NSMCE2: variants seen among roughly 807,000 people sequenced by gnomAD.
NSMCE2 encodes the protein E3 SUMO-protein ligase NSE2.
A neutral mutation model predicts 23.8 loss-of-function variants in NSMCE2; 24 were observed. The observed-to-expected ratio is 1.01, with a 90% CI of 0.73 to 1.42. The LOEUF is 1.42. Among genes scored for constraint, NSMCE2 ranks in the 40% most tolerant of loss-of-function variants. The pLI is 0.00. For missense variants in NSMCE2, 284 were observed against 296.5 expected, an observed-to-expected ratio of 0.96 and a Z score of 0.31; for synonymous variants, 92 against 94.1, an observed-to-expected ratio of 0.98 and a Z score of 0.13.
intron 5 of NSMCE2, among the ~76,000 whole-genome samples, chr8:125,314,636 G>A (rs1829104408): frequency 6.6e-6 from 1 of 152,230 alleles, no homozygotes; most frequent in African/African-American, 2.4e-5. Flanking sequence ...AAACAACCAA[G>A]CCAGGTGATG....
intron 3 of NSMCE2, chr8:125,127,191 T>C (rs1044657047): frequency 1.3e-4 from 20 of 152,224 alleles, no homozygotes; most frequent in African/African-American, 3.9e-4. Flanking sequence ...TGTCCAAGAT[T>C]TACTTCTCAA....
intron 4 of NSMCE2, among the ~76,000 whole-genome samples, chr8:125,176,531 A>G (rs1200866631): frequency 1.3e-5 from 2 of 152,068 alleles, no homozygotes; most frequent in African/African-American, 2.4e-5. Flanking sequence ...TAAAATCCAT[A>G]CACTGGTTGC....
chr8:125,232,603 T>G (rs554122698), intron 5 of NSMCE2, among the ~76,000 whole-genome samples: 21 of 152,144 alleles, frequency 1.4e-4, no homozygotes, highest in Non-Finnish European at 2.8e-4. Flanking sequence ...GAAATTATGA[T>G]GGAAAATTTC....
intron 5 of NSMCE2, among the ~76,000 whole-genome samples, chr8:125,331,463 G>A (rs543875696): frequency 2.6e-5 from 4 of 152,278 alleles, no homozygotes; most frequent in African/African-American, 9.6e-5. Context: ...TAAAAAGATT[G>A]TAAAGCACTG....
intron 5 of NSMCE2, among the ~76,000 whole-genome samples, chr8:125,340,021 T>TG (rs1440766068): frequency 1.9e-4 from 27 of 143,832 alleles, no homozygotes; most frequent in Middle Eastern, 3.5e-3. Context: ...TGTTTTTTTT[T>TG]TTTTTTTTTT....
intron 4 of NSMCE2, among the ~76,000 whole-genome samples, chr8:125,163,582 C>T (rs568135726): frequency 4.6e-4 from 70 of 152,228 alleles, no homozygotes; most frequent in Middle Eastern, 3.4e-3. Context: ...GTAGATAAAA[C>T]GAGATTGTAG....
At chr8:125,302,007 T>C (rs1304439036) in intron 5 of NSMCE2, among the ~76,000 whole-genome samples, 1 of 151,464 alleles carries the variant, frequency 6.6e-6, no homozygotes, top group African/African-American at 2.4e-5. Context: ...TTGCCCAAGC[T>C]GGAGTGCAGT....
At chr8:125,109,390 G>T (rs763954971) in intron 3 of NSMCE2, among the ~76,000 whole-genome samples, 10 of 152,164 alleles carry the variant, frequency 6.6e-5, no homozygotes, top group Non-Finnish European at 7.4e-5. Flanking sequence ...TGACCGGTGG[G>T]TGTGTTGGAC....
chr8:125,092,168 A>G (rs911268028), intron 1 of NSMCE2, among the ~76,000 whole-genome samples: 1 of 152,174 alleles, frequency 6.6e-6, no homozygotes, highest in Non-Finnish European at 1.5e-5. Context: ...TAGGGGCAAG[A>G]TTACGAATTT....
At chr8:125,260,725 A>T (rs1826656716) in intron 5 of NSMCE2, among the ~76,000 whole-genome samples, 1 of 151,834 alleles carries the variant, frequency 6.6e-6, no homozygotes, top group South Asian at 2.1e-4. Context: ...CCCAGGTTCA[A>T]GTGATTCTCA....
chr8:125,221,879 T>G (rs371363333), intron 5 of NSMCE2, among the ~76,000 whole-genome samples: 20 of 152,348 alleles, frequency 1.3e-4, no homozygotes, highest in African/African-American at 4.8e-4. Flanking sequence ...TTTCAGATTT[T>G]GGGATTAAGG....
At chr8:125,151,008 AT>A (rs946928497) in intron 3 of NSMCE2, among the ~76,000 whole-genome samples, 162 bp from the exon 4 acceptor site, 16 of 151,466 alleles carry the variant, frequency 1.1e-4, no homozygotes, top group African/African-American at 2.9e-4. Flanking sequence ...GGTTTTTTTT[AT>A]TTTTTTTATT....
intron 5 of NSMCE2, among the ~76,000 whole-genome samples, chr8:125,215,431 C>T (rs1824539113): frequency 6.6e-6 from 1 of 151,612 alleles, no homozygotes; most frequent in Admixed American, 6.6e-5. Context: ...TTTCTTAATC[C>T]AGTCTATCAT....
chr8:125,339,350 G>C (rs1830162184), intron 5 of NSMCE2, among the ~76,000 whole-genome samples: 1 of 152,082 alleles, frequency 6.6e-6, no homozygotes, highest in Non-Finnish European at 1.5e-5. Context: ...CACTAGACTA[G>C]AGTCCTTTGG....
intron 5 of NSMCE2, among the ~76,000 whole-genome samples, chr8:125,217,335 T>TTTTATTTA (rs1300941206): frequency 1.3e-5 from 2 of 151,364 alleles, no homozygotes; most frequent in Non-Finnish European, 2.9e-5. Context: ...TTTTAAAAAA[T>TTTTATTTA]TTTATTTATT....
At chr8:125,263,890 A>G (rs1826806338) in intron 5 of NSMCE2, among the ~76,000 whole-genome samples, 2 of 152,174 alleles carry the variant, frequency 1.3e-5, no homozygotes, top group African/African-American at 4.8e-5. Flanking sequence ...CTGTCTCCCC[A>G]TTGCCTAGAA....
intron 5 of NSMCE2, among the ~76,000 whole-genome samples, chr8:125,218,592 A>G (rs1013342327): frequency 5.9e-5 from 9 of 151,960 alleles, no homozygotes; most frequent in Non-Finnish European, 1.3e-4. Flanking sequence ...TTGTATTTTT[A>G]GTAGACGTGG....
At chr8:125,269,788 AT>A (rs1827099150) in intron 5 of NSMCE2, among the ~76,000 whole-genome samples, 1 of 152,232 alleles carries the variant, frequency 6.6e-6, no homozygotes, top group African/African-American at 2.4e-5. Flanking sequence ...ATCAGTCATC[AT>A]CAATAGTTAA....
chr8:125,204,730 G>T (rs1003049398), intron 5 of NSMCE2, among the ~76,000 whole-genome samples: 2 of 152,154 alleles, frequency 1.3e-5, no homozygotes, highest in Non-Finnish European at 2.9e-5. Flanking sequence ...AAGATACGCT[G>T]TCTAGTCCCA....
Sources: gnomAD v4.1 joint callset for allele counts (sites outside exome capture counted in the v4.1 genomes callset) on GRCh38, gnomAD v4.1.1 for gene constraint, MANE v1.5 for transcripts, NCBI Gene and HGNC (gene_info 2026-07-23, HGNC 2026-07-21) for gene names.